CLASP2: variants seen among roughly 807,000 people sequenced by gnomAD.
The protein encoded by CLASP2 is CLIP-associating protein 2.
CLASP2 carries 47 observed loss-of-function variants against 194.4 expected under a neutral mutation model. That is an observed-to-expected ratio of 0.24 (90% CI 0.19 to 0.31). The LOEUF is 0.31. Ranked by LOEUF, CLASP2 falls within the 10% of genes least tolerant of loss-of-function variation. The pLI is 1.00. For missense variants in CLASP2, 1,445 were observed against 1,823.6 expected (o/e 0.79, Z 3.78); for synonymous variants, 619 against 633.5 (o/e 0.98, Z 0.34).
rs2069847268 is a variant in CLASP2 at position 33,594,984 on chromosome 3, A to G, written c.1949-16T>C. The G allele has an allele frequency of 7.0e-7, 1 of 1,428,010 alleles. No individual in the cohort carries two copies. Among genetic ancestry groups the G allele is most frequent in the Non-Finnish European group, 9.4e-7 (1 of 1,068,556 alleles). The allele number at this position is 1,428,010 out of a possible 1,614,324, so 88.5% of individuals were successfully genotyped here. Reference sequence around the variant, plus strand: ...GATGCTGTTCCTAAATAAGAAAAATAAAACAACATTTCAACAAATTCTGCC... The same window carrying G: ...GATGCTGTTCCTAAATAAGAAAAATGAAACAACATTTCAACAAATTCTGCC... On this transcript the variant is annotated splice_polypyrimidine_tract_variant and intron_variant, in intron 19 of 38. Coordinates refer to ENST00000682230, the MANE Select transcript of CLASP2 (RefSeq NM_001365631.1).
intron 29 of CLASP2, chr3:33,558,339 T>C (rs1330996328): frequency 6.6e-6 from 1 of 152,224 alleles, no homozygotes; most frequent in Non-Finnish European, 1.5e-5. Context: ...AGAAACATAA[T>C]TGTGATTCTG....
intron 30 of CLASP2, among the ~76,000 whole-genome samples, chr3:33,545,513 T>C (rs1052454502): frequency 6.6e-6 from 1 of 152,212 alleles, no homozygotes; most frequent in African/African-American, 2.4e-5. Flanking sequence ...ATGGTTAAAT[T>C]ATGTTACTTT....
rs1313979119 is a variant in CLASP2 at position 33,498,011 on chromosome 3, T to G, written c.*620A>C. ...ATAGACAATATCAGTTTTACAGAAC[T>G]GGCTGATTCTGTAACATCTGTCTTT... On this transcript the variant is annotated 3_prime_UTR_variant, in exon 39 of 39. Transcript: ENST00000682230. 1 of 152,640 alleles carries G rather than the reference T, an allele frequency of 6.6e-6. No homozygotes were observed. Among genetic ancestry groups the G allele is most frequent in the Non-Finnish European group, 1.5e-5 (1 of 68,036 alleles). 9.5% of individuals were successfully genotyped at this position (152,640 alleles called of 1,614,324 possible).
At chr3:33,607,750 A>G (rs770989477) in intron 14 of CLASP2, among the ~76,000 whole-genome samples, 3 of 152,106 alleles carry the variant, frequency 2.0e-5, no homozygotes, top group Non-Finnish European at 4.4e-5. Flanking sequence ...TAAATTTTTA[A>G]TTTTTAATAA....
intron 34 of CLASP2, among the ~76,000 whole-genome samples, chr3:33,521,456 C>A (rs2053060377): frequency 1.3e-5 from 2 of 151,978 alleles, no homozygotes; most frequent in South Asian, 4.1e-4. Flanking sequence ...AAGAATGCAC[C>A]ATCACTTCTG....
At chr3:33,677,195 C>T (rs2088847313) in intron 6 of CLASP2, among the ~76,000 whole-genome samples, 1 of 152,124 alleles carries the variant, frequency 6.6e-6, no homozygotes, top group Non-Finnish European at 1.5e-5. Flanking sequence ...CCAGCCATCC[C>T]ATTACTGGGT....
At chr3:33,649,433 C>G (rs2082819424) in intron 7 of CLASP2, among the ~76,000 whole-genome samples, 1 of 152,188 alleles carries the variant, frequency 6.6e-6, no homozygotes, top group Non-Finnish European at 1.5e-5. Flanking sequence ...TCTAGAACGG[C>G]ACACATTTCA....
chr3:33,629,994 G>A (rs2154291370), intron 9 of CLASP2, among the ~76,000 whole-genome samples: 1 of 152,218 alleles, frequency 6.6e-6, no homozygotes, highest in South Asian at 2.1e-4. Flanking sequence ...AGAAGTAGTT[G>A]TTAGAGTACT....
intron 30 of CLASP2, among the ~76,000 whole-genome samples, chr3:33,546,672 C>A (rs897699587): frequency 7.2e-5 from 11 of 152,222 alleles, no homozygotes; most frequent in Admixed American, 5.9e-4. Context: ...TGATTTCTTA[C>A]AATAGATGAG....
In CLASP2 at chr3:33,673,938, TAAAG is replaced by T. The variant is rs925179321; in HGVS notation, c.644+10417_644+10420del. Among the ~76,000 whole-genome samples, 441 of 152,264 alleles carry T rather than the reference TAAAG, an allele frequency of 2.9e-3. 1 individual carries two copies. The highest frequency in any genetic ancestry group is 9.8e-3 in the African/African-American group (405 of 41,532). ...CCCAATACAGGAGCACCCAGATTCA[TAAAG>T]AAAGTCCTGAGTGACCTACAAAGAG... is the stretch of plus-strand genomic sequence containing the variant. On this transcript the variant is annotated intron_variant, in intron 6 of 38. Transcript: ENST00000682230.
chr3:33,702,764 T>G (rs549483355), intron 1 of CLASP2, among the ~76,000 whole-genome samples: 8 of 152,096 alleles, frequency 5.3e-5, no homozygotes, highest in Non-Finnish European at 1.0e-4. Flanking sequence ...AAATAACCCA[T>G]TTTTTAAAAT....
chr3:33,680,610 A>G (rs1344046047), intron 6 of CLASP2, among the ~76,000 whole-genome samples: 2 of 151,780 alleles, frequency 1.3e-5, no homozygotes, highest in African/African-American at 4.8e-5. Flanking sequence ...GAAGTTAAAG[A>G]CCAGCCTGGA....
chr3:33,700,480 A>G (rs920368531), intron 1 of CLASP2, among the ~76,000 whole-genome samples: 11 of 152,146 alleles, frequency 7.2e-5, no homozygotes, highest in Non-Finnish European at 1.6e-4. Flanking sequence ...TCTAAAAACT[A>G]ACTGACACTC....
At chr3:33,595,486 AT>A (rs2070038640) in intron 19 of CLASP2, among the ~76,000 whole-genome samples, 2 of 152,064 alleles carry the variant, frequency 1.3e-5, no homozygotes, top group Non-Finnish European at 1.5e-5. Context: ...TATCAATCCA[AT>A]TCATTAGCTA....
chr3:33,568,552 T>TAAAAAAAAAAAAAA (rs2063168171), intron 26 of CLASP2, among the ~76,000 whole-genome samples: 1 of 49,594 alleles, frequency 2.0e-5, no homozygotes, highest in Non-Finnish European at 3.5e-5. Context: ...AGATCTTGTC[T>TAAAAAAAAAAAAAA]CAAAAAAAAA....
At position 33,550,961 on chromosome 3, in the gene CLASP2, C is replaced by T. The variant is rs2059927671; in HGVS notation, c.3153+291G>A. 1.3e-5 allele frequency among the ~76,000 whole-genome samples: 2 copies of T among 152,162 alleles called. 1 individual carries two copies. The highest frequency in any genetic ancestry group is 4.8e-5 in the African/African-American group (2 of 41,448). On this transcript the variant is annotated intron_variant, in intron 30 of 38. Transcript: ENST00000682230. Reference sequence around the variant, plus strand: ...GATAAATCAAACAACAGTGTAAGCTCTCATTTGAAATGTATAGGTAAATGC... The same window carrying T: ...GATAAATCAAACAACAGTGTAAGCTTTCATTTGAAATGTATAGGTAAATGC...
intron 30 of CLASP2, among the ~76,000 whole-genome samples, chr3:33,547,132 C>A (rs1166682959): frequency 6.6e-6 from 1 of 152,190 alleles, no homozygotes; most frequent in Non-Finnish European, 1.5e-5. Flanking sequence ...TGGTTTGGCT[C>A]TGTGTCCCCA....
Position 33,717,801 on chromosome 3 carries a change from C to G in CLASP2, c.195+7G>C, listed in dbSNP as rs1349450842. 6 of 1,552,904 alleles carry G rather than the reference C, an allele frequency of 3.9e-6. No individual in the cohort carries two copies. Among genetic ancestry groups the G allele is most frequent in the Non-Finnish European group, 5.2e-6 (6 of 1,148,992 alleles). ...GTGACCAGCCCAGCCTCGCCGCCGT[C>G]GCTTACCCGGTAGTTGCTCGAACCC... On this transcript the variant is annotated splice_region_variant and intron_variant, in intron 1 of 38. Transcript: ENST00000682230.
chr3:33,633,313 C>G lies in CLASP2; in HGVS notation c.863-942G>C, dbSNP rs190150891. 2.2e-4 allele frequency among the ~76,000 whole-genome samples: 34 copies of G among 152,274 alleles called. 1 individual carries two copies. The East Asian group carries it at 6.2e-3, about 28-fold the overall frequency. ...AATGTGACTCTGCAGCTCATCCTATCCAAAAACGAAGTCCCCAACCAATAA... is the reference window on the plus strand; with the variant it reads ...AATGTGACTCTGCAGCTCATCCTATGCAAAAACGAAGTCCCCAACCAATAA... On this transcript the variant is annotated intron_variant, in intron 8 of 38. Transcript: ENST00000682230.
Sources: allele counts gnomAD v4.1 joint callset (sites outside exome capture counted in the v4.1 genomes callset), GRCh38; gene constraint gnomAD v4.1.1; transcripts MANE v1.5; gene names NCBI Gene and HGNC (gene_info 2026-07-23, HGNC 2026-07-21).